Variants in RBFOX1 observed in about 807,000 individuals in gnomAD.
The protein encoded by RBFOX1 is RNA binding protein fox-1 homolog 1.
Under a neutral mutation model 57.7 loss-of-function variants are expected in RBFOX1, and 8 were observed. That is an observed-to-expected ratio of 0.14 (90% CI 0.08 to 0.25). RBFOX1 has a LOEUF of 0.25. RBFOX1 is among the 10% of genes least tolerant of loss of function. RBFOX1 has a pLI of 1.00. For synonymous variants in RBFOX1, 326 were observed against 222.4 expected, an observed-to-expected ratio of 1.47 and a Z score of -4.15; for missense variants, 611 against 548.5, an observed-to-expected ratio of 1.11 and a Z score of -1.14.
chr16:6,779,599 C>G (rs2154224663), intron 3 of RBFOX1, among the ~76,000 whole-genome samples: 1 of 148,080 alleles, frequency 6.8e-6, no homozygotes, highest in Admixed American at 7.1e-5. Context: ...ATACTATTCT[C>G]CAGAGTGGCT....
chr16:6,804,687 G>C (rs2086302670), intron 3 of RBFOX1, among the ~76,000 whole-genome samples: 1 of 152,162 alleles, frequency 6.6e-6, no homozygotes, highest in Non-Finnish European at 1.5e-5. Flanking sequence ...AAGAATAAGA[G>C]TGCTGACCTC....
intron 3 of RBFOX1, among the ~76,000 whole-genome samples, chr16:5,640,318 C>A (rs117170382): frequency 6.6e-6 from 1 of 152,192 alleles, no homozygotes; most frequent in African/African-American, 2.4e-5. Flanking sequence ...TAATTTTGCA[C>A]ATGCACACAG....
At chr16:7,159,900 T>C (rs951147761) in intron 4 of RBFOX1, among the ~76,000 whole-genome samples, 3 of 152,242 alleles carry the variant, frequency 2.0e-5, no homozygotes, top group Non-Finnish European at 4.4e-5. Flanking sequence ...TTATTGCTAA[T>C]ATAGGCACCA....
chr16:7,169,861 A>G (rs987742180), intron 4 of RBFOX1, among the ~76,000 whole-genome samples: 1 of 152,056 alleles, frequency 6.6e-6, no homozygotes, highest in Non-Finnish European at 1.5e-5. Flanking sequence ...GCTTGAGTCC[A>G]GGAGTTCAAG....
In RBFOX1 at chr16:7,088,544, G is replaced by GTT. The variant is rs71147650; in HGVS notation, c.27+36454_27+36455dup. The stretch of plus-strand genomic sequence containing the variant: ...AAATACTCTGTAGTTGTTTTTTGTT[G>GTT]TTTTTTTTTCTGGAGATCGTATTAA... On this transcript the variant is annotated intron_variant, in intron 4 of 15. Transcript: ENST00000550418. 9.3e-3 allele frequency among the ~76,000 whole-genome samples: 1,401 copies of GTT among 150,638 alleles called. 3 individuals carry two copies. The highest frequency in any genetic ancestry group is 0.013 in the Non-Finnish European group (860 of 67,588).
intron 4 of RBFOX1, among the ~76,000 whole-genome samples, chr16:5,998,672 G>A (rs915577014): frequency 2.6e-5 from 4 of 152,182 alleles, no homozygotes; most frequent in East Asian, 3.9e-4. Context: ...GTGTGTTGTC[G>A]TCCCATCCGA....
intron 3 of RBFOX1, among the ~76,000 whole-genome samples, chr16:5,726,932 G>A (rs886851753): frequency 6.6e-6 from 1 of 152,062 alleles, no homozygotes; most frequent in South Asian, 2.1e-4. Flanking sequence ...GGCCATATGG[G>A]TGGGCACTCT....
At chr16:5,620,067 C>G (rs886784586) in intron 3 of RBFOX1, among the ~76,000 whole-genome samples, 2 of 151,874 alleles carry the variant, frequency 1.3e-5, no homozygotes, top group African/African-American at 2.4e-5. Context: ...TTGGCGCCTA[C>G]TGTTTCATTG....
intron 3 of RBFOX1, among the ~76,000 whole-genome samples, chr16:6,869,260 A>G (rs768094201): frequency 6.6e-6 from 1 of 152,138 alleles, no homozygotes. Flanking sequence ...CTTGGTGTCA[A>G]TATGTTTCTC....
chr16:5,485,328 A>G (rs2069690755), intron 2 of RBFOX1, among the ~76,000 whole-genome samples: 1 of 116,158 alleles, frequency 8.6e-6, no homozygotes, highest in Non-Finnish European at 1.7e-5. Flanking sequence ...CCTGGGCGAC[A>G]GAGCCAGACT....
chr16:6,924,254 G>C (rs1018443666), intron 3 of RBFOX1, among the ~76,000 whole-genome samples: 1 of 152,062 alleles, frequency 6.6e-6, no homozygotes, highest in South Asian at 2.1e-4. Flanking sequence ...TTGACTCACA[G>C]TTCTGCTGGC....
intron 3 of RBFOX1, among the ~76,000 whole-genome samples, chr16:6,662,443 G>T (rs12448941): frequency 0.51 from 77,089 of 151,902 alleles, 20,022 homozygotes; most frequent in South Asian, 0.61. Flanking sequence ...GGGAGAAAAA[G>T]AGAGATGTGG....
intron 4 of RBFOX1, among the ~76,000 whole-genome samples, chr16:7,312,499 A>T (rs1364676801): frequency 2.0e-5 from 3 of 152,222 alleles, no homozygotes; most frequent in African/African-American, 7.2e-5. Context: ...TAACATGATT[A>T]ATACACCCAT....
chr16:6,886,359 G>C (rs890145775), intron 3 of RBFOX1, among the ~76,000 whole-genome samples: 2 of 152,126 alleles, frequency 1.3e-5, no homozygotes, highest in African/African-American at 4.8e-5. Context: ...ACTGCGCCCG[G>C]CCCAGTGAAG....
intron 4 of RBFOX1, among the ~76,000 whole-genome samples, chr16:5,984,587 A>G (rs781082013): frequency 6.6e-6 from 1 of 152,128 alleles, no homozygotes; most frequent in Non-Finnish European, 1.5e-5. Context: ...GTAACTGCAC[A>G]TTCTGGTATT....
intron 9 of RBFOX1, among the ~76,000 whole-genome samples, chr16:7,604,245 C>T (rs1006327046): frequency 3.3e-5 from 5 of 152,106 alleles, no homozygotes; most frequent in African/African-American, 1.2e-4. Context: ...GGTTTTCATT[C>T]CCATCGCAGA....
chr16:6,842,142 GA>G (rs1003554401), intron 3 of RBFOX1, among the ~76,000 whole-genome samples: 2 of 140,214 alleles, frequency 1.4e-5, no homozygotes, highest in Admixed American at 7.4e-5. Context: ...GACTGTCTCA[GA>G]AAAAAAAATA....
intron 3 of RBFOX1, among the ~76,000 whole-genome samples, chr16:6,840,647 G>T (rs2093406556): frequency 1.3e-5 from 2 of 152,008 alleles, no homozygotes; most frequent in Non-Finnish European, 2.9e-5. Flanking sequence ...CCAGCACTTT[G>T]GGAGGCCGAG....
intron 4 of RBFOX1, among the ~76,000 whole-genome samples, chr16:7,370,259 C>CT (rs2097542567): frequency 6.6e-6 from 1 of 152,118 alleles, no homozygotes; most frequent in South Asian, 2.1e-4. Flanking sequence ...AACTACTGCT[C>CT]TAAGTTATTT....
Sources: gnomAD v4.1 joint callset for allele counts (sites outside exome capture counted in the v4.1 genomes callset) on GRCh38, gnomAD v4.1.1 for gene constraint, MANE v1.5 for transcripts, NCBI Gene and HGNC (gene_info 2026-07-23, HGNC 2026-07-21) for gene names.